The following FTO variants were observed in gnomAD, a reference collection of about 807,000 sequenced individuals.
FTO encodes the protein FTO alpha-ketoglutarate dependent dioxygenase, also known as alpha-ketoglutarate-dependent dioxygenase FTO.
A neutral mutation model predicts 63.9 loss-of-function variants in FTO; 47 were observed. That is an observed-to-expected ratio of 0.74 (90% confidence interval 0.58 to 0.94). The LOEUF is 0.94. Ranked by LOEUF, FTO falls within the 40% of genes least tolerant of loss-of-function variation. The pLI is 0.00. For missense variants in FTO, 562 were observed against 618.1 expected, an observed-to-expected ratio of 0.91 and a Z score of 0.96; for synonymous variants, 207 against 224.4, an observed-to-expected ratio of 0.92 and a Z score of 0.69.
rs1298009405 is a variant in FTO at position 54,121,223 on chromosome 16, C to A, written c.*9308C>A. 1 of 152,210 alleles carries A rather than the reference C, an allele frequency of 6.6e-6. No individual in the cohort carries two copies. Among genetic ancestry groups the A allele is most frequent in the Non-Finnish European group, 1.5e-5 (1 of 68,038 alleles). 9.4% of individuals were successfully genotyped at this position (152,210 alleles called of 1,614,324 possible). On this transcript the variant is annotated 3_prime_UTR_variant, in exon 9 of 9. Transcript: ENST00000471389. ...AAAATTTTGCTGAACTGTAGTCTAG[C>A]TCCAAGGATTGTTGTATCACCTGTG...
In FTO at chr16:54,068,904, C is replaced by T. The variant is rs535702212; in HGVS notation, c.1365-42858C>T. 1.1e-4 allele frequency among the ~76,000 whole-genome samples: 16 copies of T among 152,238 alleles called. No individual in the cohort carries two copies. In the East Asian group the frequency reaches 3.1e-3, roughly 29 times the overall value. ...CAGATTGTGTTCATCACACCCTTCTCGGGGCCAGGCAGAGAGCAGCAGCCC... is the reference window on the plus strand; with the variant it reads ...CAGATTGTGTTCATCACACCCTTCTTGGGGCCAGGCAGAGAGCAGCAGCCC... On this transcript the variant is annotated intron_variant, in intron 8 of 8. Transcript: ENST00000471389.
chr16:53,822,386 A>T (rs976813630), intron 2 of FTO, among the ~76,000 whole-genome samples: 1 of 152,306 alleles, frequency 6.6e-6, no homozygotes, highest in African/African-American at 2.4e-5. Flanking sequence ...ACATACTCTT[A>T]TCAGTAGATA....
intron 5 of FTO, among the ~76,000 whole-genome samples, chr16:53,877,111 T>C (rs7191718): frequency 0.52 from 78,411 of 152,092 alleles, 20,934 homozygotes; most frequent in East Asian, 0.85. Flanking sequence ...GTGGCACCCA[T>C]GTGCACTGCC....
intron 4 of FTO, among the ~76,000 whole-genome samples, chr16:53,861,763 A>T (rs1171220840): frequency 3.3e-5 from 5 of 152,078 alleles, no homozygotes; most frequent in Non-Finnish European, 5.9e-5. Flanking sequence ...ACTGTGATTT[A>T]AAAAAAATTC....
chr16:53,732,538 T>G (rs2076296721), intron 1 of FTO, among the ~76,000 whole-genome samples: 1 of 152,216 alleles, frequency 6.6e-6, no homozygotes, highest in Admixed American at 6.5e-5. Flanking sequence ...AAGTATCTTT[T>G]AGGCAAAGTA....
Position 53,991,840 on chromosome 16 carries a change from A to G in FTO, c.1364+57731A>G, listed in dbSNP as rs528196512. ...CACATCCTCAGATTTAGCTGAAGTCATTCAAACACTTTAAAACTGAAATTG... is the reference window on the plus strand; with the variant it reads ...CACATCCTCAGATTTAGCTGAAGTCGTTCAAACACTTTAAAACTGAAATTG... On this transcript the variant is annotated intron_variant, in intron 8 of 8. Coordinates refer to ENST00000471389, the MANE Select transcript of FTO (RefSeq NM_001080432.3). 6 of 152,356 alleles carry G rather than the reference A, an allele frequency of 3.9e-5. No homozygotes were observed. In the Middle Eastern group the frequency reaches 0.014, roughly 345 times the overall value. 9.4% of individuals were successfully genotyped at this position (152,356 alleles called of 1,614,324 possible). A position where few individuals can be genotyped will look rare whatever the true frequency, so the allele number is the denominator to read the frequency against.
chr16:53,900,340 A>G (rs2081371233), intron 7 of FTO, among the ~76,000 whole-genome samples: 1 of 152,178 alleles, frequency 6.6e-6, no homozygotes. Flanking sequence ...CTCGATCTTT[A>G]TATGAGCAGT....
intron 1 of FTO, among the ~76,000 whole-genome samples, chr16:53,784,126 A>G (rs1444087128): frequency 6.6e-6 from 1 of 152,210 alleles, no homozygotes; most frequent in Non-Finnish European, 1.5e-5. Flanking sequence ...GTTTCGTCTT[A>G]AAACCTGGAC....
chr16:54,015,203 C>G lies in FTO; in HGVS notation c.1364+81094C>G, dbSNP rs181583609. Among the ~76,000 whole-genome samples the G allele has an allele frequency of 3.9e-5, 6 of 152,242 alleles. No individual in the cohort carries two copies. In the East Asian group the frequency reaches 1.2e-3, roughly 29 times the overall value. On this transcript the variant is annotated intron_variant, in intron 8 of 8. Transcript: ENST00000471389. ...GAGAGAGATGTCCTGGGCATTTGAACTGCAGATTCCCTTAAACTGGACATT... is the reference window on the plus strand; with the variant it reads ...GAGAGAGATGTCCTGGGCATTTGAAGTGCAGATTCCCTTAAACTGGACATT...
chr16:53,774,659 T>C (rs2077420984), intron 1 of FTO, among the ~76,000 whole-genome samples: 1 of 152,078 alleles, frequency 6.6e-6, no homozygotes, highest in South Asian at 2.1e-4. Flanking sequence ...GATAGGGAAA[T>C]AGGTTGATAT....
intron 7 of FTO, among the ~76,000 whole-genome samples, chr16:53,891,022 G>T (rs1438628023): frequency 6.7e-6 from 1 of 148,396 alleles, no homozygotes; most frequent in East Asian, 2.0e-4. Context: ...ACGGAGTCTT[G>T]CTCTGTTGCC....
chr16:53,984,084 T>C (rs1165965845), intron 8 of FTO, among the ~76,000 whole-genome samples: 1 of 152,184 alleles, frequency 6.6e-6, no homozygotes, highest in Non-Finnish European at 1.5e-5. Context: ...ACAATGACTG[T>C]TCTGTGGCTT....
At chr16:53,715,424 G>A (rs1010980842) in intron 1 of FTO, among the ~76,000 whole-genome samples, 2 of 152,170 alleles carry the variant, frequency 1.3e-5, no homozygotes, top group African/African-American at 2.4e-5. Context: ...ATGTCAATAA[G>A]TACCAGGGAT....
intron 8 of FTO, among the ~76,000 whole-genome samples, chr16:54,023,831 A>C (rs1441888590): frequency 6.6e-6 from 1 of 152,186 alleles, no homozygotes; most frequent in East Asian, 1.9e-4. Context: ...AGCTATTTTT[A>C]CCTTGAAAGT....
chr16:53,844,912 GTTT>G (rs57121366), intron 4 of FTO, among the ~76,000 whole-genome samples: 55,364 of 147,100 alleles, frequency 0.38, 10,226 homozygotes, highest in South Asian at 0.46. Context: ...AGTAGTGAGA[GTTT>G]TTTTTTTTTT....
chr16:53,915,063 C>G (rs898552411), intron 7 of FTO, among the ~76,000 whole-genome samples: 16 of 152,166 alleles, frequency 1.1e-4, no homozygotes, highest in Non-Finnish European at 1.9e-4. Flanking sequence ...TGTTTCCATA[C>G]AACAGTTGTT....
chr16:53,899,757 G>A lies in FTO; in HGVS notation c.1239+10806G>A, dbSNP rs540559368. ...ATTGAGCTTTTCCTTTGGGGGACGG[G>A]AATAGGGGAATACAAACCAGGGGAG... On this transcript the variant is annotated intron_variant, in intron 7 of 8. Transcript: ENST00000471389. 2.6e-5 allele frequency among the ~76,000 whole-genome samples: 4 copies of A among 152,256 alleles called. No homozygotes were observed. In the South Asian group the frequency reaches 6.2e-4, roughly 24 times the overall value.
intron 8 of FTO, chr16:53,979,255 T>A: frequency 2.5e-6 from 1 of 395,074 alleles, no homozygotes; most frequent in Non-Finnish European, 4.5e-6. Context: ...GATTCCTAGA[T>A]ATGGAATTAC....
intron 1 of FTO, among the ~76,000 whole-genome samples, chr16:53,763,341 CAAT>C (rs1440759632): frequency 2.0e-5 from 3 of 152,226 alleles, no homozygotes; most frequent in South Asian, 4.2e-4. Context: ...TAAAGGTTGA[CAAT>C]GATGTGCTTT....
Sources: gnomAD v4.1 joint callset for allele counts (sites outside exome capture counted in the v4.1 genomes callset) on GRCh38, gnomAD v4.1.1 for gene constraint, MANE v1.5 for transcripts, NCBI Gene and HGNC (gene_info 2026-07-23, HGNC 2026-07-21) for gene names.